DNAH11: variants seen among roughly 807,000 people sequenced by gnomAD.
DNAH11 encodes the protein dynein axonemal heavy chain 11, also known as axonemal beta dynein heavy chain 11.
A neutral mutation model predicts 526.0 loss-of-function variants in DNAH11; 442 were observed. The observed-to-expected ratio is 0.84, with a 90% CI of 0.78 to 0.91. DNAH11 has a LOEUF of 0.91. DNAH11 is among the 40% of genes least tolerant of loss of function. The pLI is 0.00. For synonymous variants in DNAH11, 2,461 were observed against 1,935.9 expected (o/e 1.27, Z -7.12); for missense variants, 6,989 against 5,448.7 (o/e 1.28, Z -8.90).
intron 25 of DNAH11, among the ~76,000 whole-genome samples, chr7:21,624,502 A>C (rs561804353): frequency 9.2e-5 from 14 of 152,332 alleles, no homozygotes; most frequent in African/African-American, 3.4e-4. Flanking sequence ...TGTCATCAGC[A>C]AACAGACACA....
chr7:21,781,003 T>C (rs1051696546), intron 57 of DNAH11, among the ~76,000 whole-genome samples: 2 of 152,156 alleles, frequency 1.3e-5, no homozygotes, highest in Non-Finnish European at 2.9e-5. Context: ...CTATTGTAAA[T>C]TGGATATTCA....
At chr7:21,609,836 G>A (rs1374418100) in intron 20 of DNAH11, among the ~76,000 whole-genome samples, 7 of 152,216 alleles carry the variant, frequency 4.6e-5, no homozygotes, top group Admixed American at 1.3e-4. Context: ...TTCTCATGGG[G>A]AAGTAGAAGA....
At chr7:21,558,026 T>C (rs1783289144) in intron 2 of DNAH11, among the ~76,000 whole-genome samples, 1 of 152,232 alleles carries the variant, frequency 6.6e-6, no homozygotes, top group Non-Finnish European at 1.5e-5. Flanking sequence ...AACTAGAAGA[T>C]TGTATTGTCA....
chr7:21,838,127 A>G lies in DNAH11; in HGVS notation c.10692-4417A>G, dbSNP rs1782064646. ...AAATCCTTGGAAAGAGGAAACTCAA[A>G]TAATAGAAGGAATTTTGATGATGCT... On this transcript the variant is annotated intron_variant, in intron 65 of 81. Transcript: ENST00000409508. Among the ~76,000 whole-genome samples, 3 of 152,336 alleles carry G rather than the reference A, an allele frequency of 2.0e-5. 1 individual carries two copies. Among genetic ancestry groups the G allele is most frequent in the South Asian group, 4.1e-4 (2 of 4,828 alleles).
chr7:21,649,374 G>C (rs1787519908), intron 28 of DNAH11, among the ~76,000 whole-genome samples: 1 of 152,104 alleles, frequency 6.6e-6, no homozygotes, highest in Admixed American at 6.6e-5. Flanking sequence ...AGTCCAAAAT[G>C]GGAAACAATT....
At chr7:21,738,323 A>G (rs1296211020) in intron 46 of DNAH11, among the ~76,000 whole-genome samples, 1 of 152,206 alleles carries the variant, frequency 6.6e-6, no homozygotes, top group African/African-American at 2.4e-5. Context: ...CGCAGAGATG[A>G]CAGAGAAGAG....
At chr7:21,636,313 C>A (rs1786861468) in intron 26 of DNAH11, among the ~76,000 whole-genome samples, 1 of 152,232 alleles carries the variant, frequency 6.6e-6, no homozygotes, top group East Asian at 1.9e-4. Flanking sequence ...TGAAAGAAGA[C>A]ATGGGTAATA....
At chr7:21,653,284 G>T (rs182871733) in intron 28 of DNAH11, among the ~76,000 whole-genome samples, 22 of 152,234 alleles carry the variant, frequency 1.4e-4, no homozygotes, top group African/African-American at 5.3e-4. Context: ...ATTAAAAATA[G>T]AACAAATCTG....
At chr7:21,804,321 G>A (rs1273013009) in intron 62 of DNAH11, among the ~76,000 whole-genome samples, 5 of 152,096 alleles carry the variant, frequency 3.3e-5, no homozygotes, top group Non-Finnish European at 7.4e-5. Flanking sequence ...GTGTTAGCCA[G>A]GATGGTCTCG....
intron 44 of DNAH11, among the ~76,000 whole-genome samples, chr7:21,722,408 C>T (rs1265288913): frequency 1.3e-5 from 2 of 152,160 alleles, no homozygotes; most frequent in Admixed American, 6.5e-5. Context: ...GGCTTCCTTG[C>T]TCTTTCCAGG....
At chr7:21,635,826 C>A in intron 25 of DNAH11, 45 bp from the exon 26 acceptor site, 1 of 1,497,734 alleles carries the variant, frequency 6.7e-7, no homozygotes. Context: ...CACTCACATT[C>A]TACTAAATTT....
intron 28 of DNAH11, among the ~76,000 whole-genome samples, chr7:21,649,547 A>T (rs1273246344): frequency 6.6e-6 from 1 of 152,228 alleles, no homozygotes; most frequent in African/African-American, 2.4e-5. Flanking sequence ...AGGCAGATGC[A>T]AAAGAGTACG....
intron 25 of DNAH11, among the ~76,000 whole-genome samples, chr7:21,633,416 C>T (rs1185664479): frequency 6.6e-6 from 1 of 152,104 alleles, no homozygotes; most frequent in Non-Finnish European, 1.5e-5. Flanking sequence ...ATTGTTATCC[C>T]CTTCTATTAC....
intron 76 of DNAH11, 46 bp from the exon 77 acceptor site, chr7:21,892,379 T>G (rs1583818232): frequency 6.4e-7 from 1 of 1,571,228 alleles, no homozygotes; most frequent in African/African-American, 1.3e-5. Context: ...TGAAAATGGA[T>G]GCCTACCTAC....
intron 54 of DNAH11, among the ~76,000 whole-genome samples, chr7:21,765,059 A>G (rs17145312): frequency 0.099 from 15,125 of 152,256 alleles, 1,005 homozygotes; most frequent in East Asian, 0.26. Context: ...GAAACAGAAG[A>G]TGAAAACATT....
chr7:21,712,470 CT>C (rs1784499726), intron 42 of DNAH11, among the ~76,000 whole-genome samples: 1 of 152,176 alleles, frequency 6.6e-6, no homozygotes, highest in African/African-American at 2.4e-5. Flanking sequence ...TCCACAGCTG[CT>C]ACCCATTTAT....
At chr7:21,800,827 G>A (rs1330016642) in intron 61 of DNAH11, among the ~76,000 whole-genome samples, 1 of 152,154 alleles carries the variant, frequency 6.6e-6, no homozygotes, top group Non-Finnish European at 1.5e-5. Flanking sequence ...GGGGATGATA[G>A]TGCACCCACG....
chr7:21,817,494 G>A (rs760186277), intron 64 of DNAH11, among the ~76,000 whole-genome samples: 5 of 136,352 alleles, frequency 3.7e-5, no homozygotes, highest in Non-Finnish European at 4.6e-5. Flanking sequence ...CACCCTGAGC[G>A]ACATAGTGAG....
chr7:21,654,074 A>G (rs1037214328), intron 28 of DNAH11, among the ~76,000 whole-genome samples: 2 of 151,966 alleles, frequency 1.3e-5, no homozygotes, highest in Non-Finnish European at 2.9e-5. Flanking sequence ...TCAGCAGCTC[A>G]TATTTATTTT....
Sources: gnomAD v4.1 joint callset for allele counts (sites outside exome capture counted in the v4.1 genomes callset) on GRCh38, gnomAD v4.1.1 for gene constraint, MANE v1.5 for transcripts, NCBI Gene and HGNC (gene_info 2026-07-23, HGNC 2026-07-21) for gene names.